Variants in IPO7 observed in about 807,000 individuals in gnomAD.
The protein encoded by IPO7 is importin-7.
A neutral mutation model predicts 136.4 loss-of-function variants in IPO7; 13 were observed. The observed-to-expected ratio is 0.10, with a 90% CI of 0.06 to 0.15. The LOEUF is 0.15. IPO7 is among the 10% of genes least tolerant of loss of function. The probability of loss-of-function intolerance (pLI) is 1.00; values close to 1 mark genes in which losing one functional copy is unlikely to be tolerated. For synonymous variants in IPO7, 403 were observed against 404.4 expected (o/e 1.00, Z 0.04); for missense variants, 857 against 1,240.6 (o/e 0.69, Z 4.65).
Position 9,429,227 on chromosome 11 carries a change from A to C in IPO7, c.1591+31A>C, listed in dbSNP as rs758091163. Reference sequence around the variant, plus strand: ...GGATTTTTGTATGTCAAGAAAAGTGAATGTTGGCCAGGTGCGGTAGGTCAC... The same window carrying C: ...GGATTTTTGTATGTCAAGAAAAGTGCATGTTGGCCAGGTGCGGTAGGTCAC... On this transcript the variant is annotated intron_variant, in intron 14 of 24. Transcript: ENST00000379719. The C allele has an allele frequency of 6.9e-6, 11 of 1,588,004 alleles. No individual in the cohort carries two copies. The South Asian group carries it at 1.2e-4, about 18-fold the overall frequency.
At chr11:9,438,788 A>G (rs1254189400) in intron 22 of IPO7, among the ~76,000 whole-genome samples, 3 of 152,220 alleles carry the variant, frequency 2.0e-5, no homozygotes, top group Admixed American at 6.5e-5. Context: ...AGTTCAAACC[A>G]TTATAGTATG....
intron 22 of IPO7, among the ~76,000 whole-genome samples, 198 bp downstream of exon 22, chr11:9,438,483 GGT>G (rs1855414839): frequency 6.6e-6 from 1 of 151,994 alleles, no homozygotes; most frequent in African/African-American, 2.4e-5. Flanking sequence ...AAATTAGCTG[GGT>G]GTAGTGGTGG....
intron 1 of IPO7, among the ~76,000 whole-genome samples, chr11:9,396,013 A>G (rs903350151): frequency 3.3e-5 from 5 of 151,810 alleles, no homozygotes; most frequent in East Asian, 1.9e-4. Context: ...GTGAGCCACC[A>G]TGCCTTGCTG....
chr11:9,445,403 G>A lies in IPO7; in HGVS notation c.*209G>A, dbSNP rs1253196212. 1 of 405,874 alleles carries A rather than the reference G, an allele frequency of 2.5e-6. No homozygotes were observed. The highest frequency in any genetic ancestry group is 5.6e-5 in the South Asian group (1 of 17,818). The allele number at this position is 405,874 out of a possible 1,614,324, so 25.1% of individuals were successfully genotyped here. On this transcript the variant is annotated 3_prime_UTR_variant, in exon 25 of 25. Coordinates refer to ENST00000379719, the MANE Select transcript of IPO7 (RefSeq NM_006391.3). ...ATTTTGGGGGTGGGGGGGGATGGGAGGTACCTTAGAGGGAGTATTTTCTTT... is the reference window on the plus strand; with the variant it reads ...ATTTTGGGGGTGGGGGGGGATGGGAAGTACCTTAGAGGGAGTATTTTCTTT...
intron 1 of IPO7, among the ~76,000 whole-genome samples, chr11:9,387,175 C>T (rs543302114): frequency 6.6e-6 from 1 of 152,278 alleles, no homozygotes; most frequent in African/African-American, 2.4e-5. Context: ...GTCTCTCATT[C>T]CAGTGAAGCT....
chr11:9,436,240 C>T (rs529288953), intron 19 of IPO7, 31 bp from the exon 20 acceptor site: 70 of 1,472,280 alleles, frequency 4.8e-5, no homozygotes, highest in Admixed American at 6.7e-5. Flanking sequence ...AGGATAAAGC[C>T]TTACTGCAAT....
At chr11:9,415,644 C>G (rs1215415112) in intron 5 of IPO7, among the ~76,000 whole-genome samples, 2 of 152,102 alleles carry the variant, frequency 1.3e-5, no homozygotes, top group Non-Finnish European at 1.5e-5. Context: ...CGAGACCATC[C>G]TGGCTAACAT....
chr11:9,392,194 T>TTTTTTA, intron 1 of IPO7: 2 of 322,560 alleles, frequency 6.2e-6, no homozygotes, highest in Non-Finnish European at 1.2e-5. Flanking sequence ...TTTTTTTTTT[T>TTTTTTA]GAGACGGAGT....
rs1442300522 is a variant in IPO7, at chr11:9,384,777, C to T, written c.14C>T (p.Thr5Ile). The change falls in exon 1 of 25, where the codon ACC (threonine) becomes ATC (isoleucine). Residue 5 changes from threonine (T) to isoleucine (I), a missense_variant. Transcript: ENST00000379719. MDPNTIIEALRGTMD... is the reference protein window; with the variant it reads MDPNIIIEALRGTMD... ...GTCCGCGCTGCGATGGACCCCAACA[C>T]CATTATCGAGGCCCTGCGGGGCACT... The T allele has an allele frequency of 6.2e-7, 1 of 1,605,662 alleles. No homozygotes were observed. The highest frequency in any genetic ancestry group is 8.5e-7 in the Non-Finnish European group (1 of 1,176,162).
At chr11:9,400,513 C>T (rs1854777960) in intron 1 of IPO7, among the ~76,000 whole-genome samples, 2 of 152,050 alleles carry the variant, frequency 1.3e-5, no homozygotes, top group Non-Finnish European at 2.9e-5. Flanking sequence ...GCTCCGCCCC[C>T]GGGGTTCACA....
intron 24 of IPO7, among the ~76,000 whole-genome samples, chr11:9,442,741 G>A (rs1183874758): frequency 6.6e-6 from 1 of 151,296 alleles, no homozygotes; most frequent in African/African-American, 2.4e-5. Context: ...AGTATAATTG[G>A]GCCAGGTGTG....
chr11:9,425,936 C>T (rs1260330355), intron 12 of IPO7, among the ~76,000 whole-genome samples: 1 of 151,438 alleles, frequency 6.6e-6, no homozygotes, highest in African/African-American at 2.4e-5. Context: ...ATCCCAGCTA[C>T]TTAGGAGGCT....
intron 6 of IPO7, among the ~76,000 whole-genome samples, chr11:9,417,814 G>C (rs576951872): frequency 6.6e-6 from 1 of 150,766 alleles, no homozygotes; most frequent in Non-Finnish European, 1.5e-5. Flanking sequence ...CCAGGTTCAC[G>C]CGATTCTCAT....
chr11:9,414,199 T>C (rs1424563657), intron 4 of IPO7, 56 bp from the exon 5 acceptor site: 15 of 1,276,126 alleles, frequency 1.2e-5, no homozygotes, highest in African/African-American at 1.5e-5. Flanking sequence ...AGTTTAAATA[T>C]ATATACAATT....
At chr11:9,435,167 T>C (rs1855352729) in intron 19 of IPO7, 136 bp downstream of exon 19, 1 of 616,606 alleles carries the variant, frequency 1.6e-6, no homozygotes, top group Non-Finnish European at 2.8e-6. Context: ...CTTTAAAAGT[T>C]AAAAGTCATT....
intron 24 of IPO7, among the ~76,000 whole-genome samples, chr11:9,444,488 G>A (rs374520505): frequency 6.6e-6 from 1 of 151,562 alleles, no homozygotes; most frequent in Non-Finnish European, 1.5e-5. Flanking sequence ...CTCAGCTTCC[G>A]AGTAGCTGAG....
intron 3 of IPO7, 76 bp downstream of exon 3, chr11:9,408,715 T>G (rs1167154555): frequency 3.9e-6 from 4 of 1,018,174 alleles, no homozygotes; most frequent in East Asian, 5.8e-5. Flanking sequence ...TTTTTTTTTT[T>G]TTTTTTTTTT....
At chr11:9,403,537 C>T (rs1358005728) in intron 2 of IPO7, 166 bp downstream of exon 2, 1 of 555,332 alleles carries the variant, frequency 1.8e-6, no homozygotes, top group Non-Finnish European at 3.2e-6. Context: ...TATCTGGTGG[C>T]AGAGTTTAAA....
intron 1 of IPO7, among the ~76,000 whole-genome samples, chr11:9,399,994 C>T (rs375894319): frequency 6.6e-6 from 1 of 152,072 alleles, no homozygotes; most frequent in African/African-American, 2.4e-5. Context: ...AGGACCCCCA[C>T]GGATATCAAA....
Sources: gnomAD v4.1 joint callset for allele counts (sites outside exome capture counted in the v4.1 genomes callset) on GRCh38, gnomAD v4.1.1 for gene constraint, MANE v1.5 for transcripts, NCBI Gene and HGNC (gene_info 2026-07-23, HGNC 2026-07-21) for gene names.